SYK: variants seen among roughly 807,000 people sequenced by gnomAD.
The protein encoded by SYK is spleen associated tyrosine kinase.
SYK carries 16 observed loss-of-function variants against 77.8 expected under a neutral mutation model. The ratio of observed to expected loss-of-function variants is 0.21; its 90% CI spans 0.14 to 0.31. The LOEUF (loss-of-function observed/expected upper bound fraction) is 0.31. Ranked by LOEUF, SYK falls within the 10% of genes least tolerant of loss-of-function variation. The pLI, the probability that SYK is intolerant of heterozygous loss-of-function variation, is 1.00. For synonymous variants in SYK, 312 were observed against 308.7 expected (o/e 1.01, Z -0.11); for missense variants, 529 against 814.4 (o/e 0.65, Z 4.26).
intron 4 of SYK, among the ~76,000 whole-genome samples, chr9:90,863,970 C>G (rs2118795883): frequency 6.6e-6 from 1 of 152,314 alleles, no homozygotes; most frequent in African/African-American, 2.4e-5. Flanking sequence ...TAGCATTCAT[C>G]CCTAATTAAA....
At chr9:90,852,313 T>C (rs1368513357) in intron 3 of SYK, among the ~76,000 whole-genome samples, 1 of 152,218 alleles carries the variant, frequency 6.6e-6, no homozygotes, top group African/African-American at 2.4e-5. Flanking sequence ...GGGCTCCTCT[T>C]GGTCTGGAGG....
intron 3 of SYK, among the ~76,000 whole-genome samples, chr9:90,854,133 C>A (rs1401329860): frequency 6.6e-6 from 1 of 152,114 alleles, no homozygotes; most frequent in East Asian, 1.9e-4. Context: ...TGGATGGTGG[C>A]AGAGTTTTCC....
intron 1 of SYK, among the ~76,000 whole-genome samples, chr9:90,828,235 G>GCCT (rs1431034125): frequency 1.8e-5 from 1 of 55,420 alleles, no homozygotes; most frequent in Non-Finnish European, 3.7e-5. Flanking sequence ...CCTCACCCCC[G>GCCT]CCCCCCCCCC....
At chr9:90,813,094 CTTTATTCTGTCAG>C (rs1360636241) in intron 1 of SYK, among the ~76,000 whole-genome samples, 1 of 152,074 alleles carries the variant, frequency 6.6e-6, no homozygotes, top group Non-Finnish European at 1.5e-5. Flanking sequence ...GTCCACCATG[CTTTATTCTGTCAG>C]ACCATTTGCC....
intron 1 of SYK, among the ~76,000 whole-genome samples, chr9:90,803,676 A>G (rs1049231767): frequency 6.6e-6 from 1 of 152,014 alleles, no homozygotes; most frequent in Non-Finnish European, 1.5e-5. Context: ...TATTTAGCAC[A>G]TTGTTTGCCC....
At chr9:90,823,773 C>T (rs1825590276) in intron 1 of SYK, among the ~76,000 whole-genome samples, 2 of 151,876 alleles carry the variant, frequency 1.3e-5, no homozygotes, top group African/African-American at 4.8e-5. Context: ...ATTTATAGAA[C>T]TAAGTGCACA....
At chr9:90,888,208 A>T (rs1394086511) in intron 12 of SYK, among the ~76,000 whole-genome samples, 1 of 152,210 alleles carries the variant, frequency 6.6e-6, no homozygotes, top group East Asian at 1.9e-4. Flanking sequence ...TAATTAAAAC[A>T]TATATACCAA....
At position 90,845,451 on chromosome 9, in the gene SYK, G is replaced by A. The variant is rs759372369; in HGVS notation, c.435G>A (p.Gln145=). ...TGTGGCAGGGTCAGGCTCTGGAGCA[G>A]GCCATCATCAGTCAGAAGCCTCAGC... ...TWNLQGQALE[Q]AIISQKPQLE... Residue 145 remains glutamine, a synonymous_variant, in exon 3 of 14, where the codon CAG becomes CAA. Coordinates refer to ENST00000375754, the MANE Select transcript of SYK (RefSeq NM_003177.7). 1 of 1,614,154 alleles carries A rather than the reference G, an allele frequency of 6.2e-7. No individual in the cohort carries two copies. Among genetic ancestry groups the A allele is most frequent in the South Asian group, 1.1e-5 (1 of 91,080 alleles).
intron 1 of SYK, among the ~76,000 whole-genome samples, chr9:90,802,236 T>C (rs1254423106): frequency 6.6e-6 from 1 of 152,090 alleles, no homozygotes; most frequent in African/African-American, 2.4e-5. Flanking sequence ...AGACGCGGGA[T>C]TGGGATCAGG....
chr9:90,884,871 A>G lies in SYK; in HGVS notation c.1582-2878A>G, dbSNP rs376428790. 1.9e-4 allele frequency among the ~76,000 whole-genome samples: 4 copies of G among 21,620 alleles called. 1 individual carries two copies. In the Admixed American group the frequency reaches 1.9e-3, roughly 10 times the overall value. The allele number at this position is 21,620 out of a possible 152,430, so 14.2% of individuals were successfully genotyped here. A position where few individuals can be genotyped will look rare whatever the true frequency, so the allele number is the denominator to read the frequency against. On this transcript the variant is annotated intron_variant, in intron 11 of 13. Coordinates refer to ENST00000375754, the MANE Select transcript of SYK (RefSeq NM_003177.7). ...CACACATATGTGTGTATATACATAT[A>G]TACATATATACATATATATACATAT...
intron 1 of SYK, among the ~76,000 whole-genome samples, chr9:90,805,683 A>C (rs116443281): frequency 6.6e-6 from 1 of 152,206 alleles, no homozygotes; most frequent in Non-Finnish European, 1.5e-5. Flanking sequence ...CCCATGGTCA[A>C]CCTGGTAGTT....
At position 90,896,293 on chromosome 9, in the gene SYK, T is replaced by A. The variant is rs1828983563; in HGVS notation, c.*693T>A. The A allele has an allele frequency of 4.3e-6, 1 of 233,130 alleles. No individual in the cohort carries two copies. The highest frequency in any genetic ancestry group is 8.5e-6 in the Non-Finnish European group (1 of 118,056). 14.4% of individuals were successfully genotyped at this position (233,130 alleles called of 1,614,324 possible). A position where few individuals can be genotyped will look rare whatever the true frequency, so the allele number is the denominator to read the frequency against. ...TTGTGATAAAAGGGGACCATGAGAA[T>A]GAATTGGCTTGGCTTACTTTCCCCC... is the stretch of plus-strand genomic sequence containing the variant. On this transcript the variant is annotated 3_prime_UTR_variant, in exon 14 of 14. Transcript: ENST00000375754.
chr9:90,805,403 A>G (rs983814392), intron 1 of SYK, among the ~76,000 whole-genome samples: 5 of 152,298 alleles, frequency 3.3e-5, no homozygotes, highest in African/African-American at 4.8e-5. Flanking sequence ...CAGATGAGAG[A>G]TGTCTTGACC....
intron 13 of SYK, among the ~76,000 whole-genome samples, chr9:90,891,068 A>G (rs1828765493): frequency 6.6e-6 from 1 of 152,060 alleles, no homozygotes; most frequent in Non-Finnish European, 1.5e-5. Flanking sequence ...ATAACACGAA[A>G]AGAAACTGGC....
At chr9:90,856,410 C>T (rs1284051940) in intron 3 of SYK, among the ~76,000 whole-genome samples, 1 of 152,042 alleles carries the variant, frequency 6.6e-6, no homozygotes, top group African/African-American at 2.4e-5. Context: ...ACAGTTTGAC[C>T]TTCTCAATTC....
intron 13 of SYK, among the ~76,000 whole-genome samples, chr9:90,891,318 T>C (rs1394082475): frequency 6.6e-6 from 1 of 152,022 alleles, no homozygotes; most frequent in African/African-American, 2.4e-5. Flanking sequence ...GCTAATTTTT[T>C]TGTATTTTTT....
intron 13 of SYK, among the ~76,000 whole-genome samples, chr9:90,892,949 C>T (rs726756): frequency 2.0e-5 from 3 of 152,308 alleles, no homozygotes; most frequent in Admixed American, 2.0e-4. Context: ...TCCCCTGGCT[C>T]CCTGCACAAC....
intron 1 of SYK, among the ~76,000 whole-genome samples, chr9:90,836,773 A>C (rs1826102026): frequency 6.6e-6 from 1 of 152,230 alleles, no homozygotes; most frequent in Admixed American, 6.5e-5. Context: ...GTGAAGGGTC[A>C]CAGTGAGGCT....
chr9:90,864,513 G>A, intron 4 of SYK, 76 bp from the exon 5 acceptor site: 3 of 1,307,822 alleles, frequency 2.3e-6, no homozygotes, highest in Non-Finnish European at 3.3e-6. Context: ...CCAACAGTCA[G>A]TCAGTAGCTC....
Sources: allele counts gnomAD v4.1 joint callset (sites outside exome capture counted in the v4.1 genomes callset), GRCh38; gene constraint gnomAD v4.1.1; transcripts MANE v1.5; gene names NCBI Gene and HGNC (gene_info 2026-07-23, HGNC 2026-07-21).